The following NT5DC3 variants were observed in gnomAD, a reference collection of about 807,000 sequenced individuals.
NT5DC3 encodes 5'-nucleotidase domain containing 3, also known as 5'-nucleotidase domain-containing protein 3.
Under a neutral mutation model 67.8 loss-of-function variants are expected in NT5DC3, and 42 were observed. That is an observed-to-expected ratio of 0.62 (90% CI 0.48 to 0.80). The LOEUF is 0.80. NT5DC3 is among the 30% of genes least tolerant of loss of function. NT5DC3 has a pLI of 0.00. For synonymous variants in NT5DC3, 237 were observed against 255.6 expected (o/e 0.93, Z 0.69); for missense variants, 570 against 696.4 (o/e 0.82, Z 2.04).
At chr12:103,766,113 C>T (rs537296078), downstream of NT5DC3, 258 of 869,070 alleles carry the variant, frequency 3.0e-4, no homozygotes, top group Non-Finnish European at 3.5e-4. Context: ...TGGCCCTACC[C>T]CCAGCCCATC....
intron 1 of NT5DC3, among the ~76,000 whole-genome samples, chr12:103,831,409 A>G (rs1179276046): frequency 6.6e-6 from 1 of 152,198 alleles, no homozygotes; most frequent in African/African-American, 2.4e-5. Context: ...CTTCAAAGCA[A>G]TGTAAAAGAA....
chr12:103,806,764 T>A, intron 3 of NT5DC3, 91 bp downstream of exon 3: 1 of 806,244 alleles, frequency 1.2e-6, no homozygotes, highest in Non-Finnish European at 2.1e-6. Context: ...AATTTAAAAC[T>A]AATTTGCCCG....
In NT5DC3 at chr12:103,775,155, G is replaced by A. The variant is rs979020659; in HGVS notation, c.*2674C>T. On this transcript the variant is annotated 3_prime_UTR_variant, in exon 14 of 14. Coordinates refer to ENST00000392876, the MANE Select transcript of NT5DC3 (RefSeq NM_001031701.3). Reference sequence around the variant, plus strand: ...CGGCCCCGTTACCGCCACGACATGGGTCTACAGTCTGCAAGGTACACAGTC... The same window carrying A: ...CGGCCCCGTTACCGCCACGACATGGATCTACAGTCTGCAAGGTACACAGTC... The A allele has an allele frequency of 5.9e-5, 9 of 152,212 alleles. No homozygotes were observed. Among genetic ancestry groups the A allele is most frequent in the Non-Finnish European group, 8.8e-5 (6 of 68,046 alleles). The allele number at this position is 152,212 out of a possible 1,614,324, so 9.4% of individuals were successfully genotyped here.
chr12:103,791,950 G>A (rs1886084619), intron 9 of NT5DC3, among the ~76,000 whole-genome samples: 1 of 152,140 alleles, frequency 6.6e-6, no homozygotes, highest in South Asian at 2.1e-4. Context: ...CATGAAACCG[G>A]CCCCTGGTGC....
chr12:103,780,487 G>A, intron 12 of NT5DC3, 123 bp from the exon 13 acceptor site: 1 of 787,150 alleles, frequency 1.3e-6, no homozygotes, highest in Non-Finnish European at 2.2e-6. Flanking sequence ...TCAGAGGCTG[G>A]CACCTGAATG....
At chr12:103,768,501 GGGGAGGGAAAGATGGAGAGATGGGAGA>G (rs2139275880), downstream of NT5DC3, among the ~76,000 whole-genome samples, 1 of 84,310 alleles carries the variant, frequency 1.2e-5, no homozygotes, top group Non-Finnish European at 2.3e-5. Flanking sequence ...GGGTAGGGAG[GGGGAGGGAAAGATGGAGAGATGGGAGA>G]GAGAGGGAGA....
chr12:103,753,638 TAGAA>T, the NT5DC3 span, among the ~76,000 whole-genome samples: 1 of 152,188 alleles, frequency 6.6e-6, no homozygotes, highest in Non-Finnish European at 1.5e-5. Context: ...AACTGAGGCT[TAGAA>T]AGTTTAAGTA....
chr12:103,817,787 T>G (rs1887325744), intron 1 of NT5DC3, among the ~76,000 whole-genome samples: 1 of 149,580 alleles, frequency 6.7e-6, no homozygotes, highest in African/African-American at 2.4e-5. Context: ...CCCTTTCAGG[T>G]GCATTTTTTC....
intron 12 of NT5DC3, among the ~76,000 whole-genome samples, chr12:103,783,253 C>A (rs1010132887): frequency 3.9e-4 from 60 of 152,268 alleles, no homozygotes; most frequent in African/African-American, 1.3e-3. Flanking sequence ...CAGCTATACA[C>A]CTCTATATCC....
At chr12:103,791,100 T>C (rs886297242) in intron 9 of NT5DC3, among the ~76,000 whole-genome samples, 1 of 152,154 alleles carries the variant, frequency 6.6e-6, no homozygotes. Flanking sequence ...CTCATTATTA[T>C]GAATAACACA....
chr12:103,788,785 T>C (rs890052071), intron 10 of NT5DC3, 53 bp downstream of exon 10: 4 of 1,165,818 alleles, frequency 3.4e-6, no homozygotes, highest in Middle Eastern at 1.9e-4. Context: ...CTATTAGCAT[T>C]ATTACCGACC....
intron 1 of NT5DC3, among the ~76,000 whole-genome samples, chr12:103,815,988 A>C (rs1887233845): frequency 6.6e-6 from 1 of 152,180 alleles, no homozygotes; most frequent in South Asian, 2.1e-4. Flanking sequence ...ATTTGCTGCC[A>C]ACATTCTTCT....
At chr12:103,749,034 G>T in the NT5DC3 span, 15 of 1,613,990 alleles carry the variant, frequency 9.3e-6, no homozygotes, top group Non-Finnish European at 1.2e-5. Flanking sequence ...GGGCACGAAG[G>T]TCTCCTGCAG....
chr12:103,808,944 A>G (rs1886916223), intron 2 of NT5DC3, among the ~76,000 whole-genome samples: 1 of 152,210 alleles, frequency 6.6e-6, no homozygotes. Flanking sequence ...CCCTCACTAC[A>G]TCAGCATGAA....
chr12:103,806,376 G>A lies in NT5DC3; in HGVS notation c.470C>T (p.Ala157Val), dbSNP rs564815507. 1.3e-6 allele frequency: 2 copies of A among 1,597,296 alleles called. No homozygotes were observed. The highest frequency in any genetic ancestry group is 1.1e-5 in the South Asian group (1 of 90,726). ...IRGLHYDVQR[A>V]VLMKIDAFHY... ...AAAAGCATCGATCTTCATTAATACT[G>A]CCTTTAAAAACATAAACATATGCAC... is the stretch of plus-strand genomic sequence containing the variant. The change falls in exon 4 of 14, where the codon GCA (alanine) becomes GTA (valine). Residue 157 changes from alanine (A) to valine (V), a missense_variant and splice_region_variant. This residue lies in a region of NT5DC3 where 466 missense variants were observed against 608.0 expected (regional missense o/e 0.77). Transcript: ENST00000392876.
At chr12:103,768,793 T>A (rs532696573), downstream of NT5DC3, 1 of 151,636 alleles carries the variant, frequency 6.6e-6, no homozygotes, top group Non-Finnish European at 1.5e-5. Context: ...GTATCAACTG[T>A]ATGCAGGCCT....
chr12:103,818,219 G>C (rs917079929), intron 1 of NT5DC3, among the ~76,000 whole-genome samples: 4 of 152,098 alleles, frequency 2.6e-5, no homozygotes, highest in African/African-American at 7.2e-5. Context: ...GAATTTCCAG[G>C]TCATTATGAA....
chr12:103,746,728 G>A, the NT5DC3 span: 1 of 1,609,586 alleles, frequency 6.2e-7, no homozygotes. Context: ...GTGCACAGGT[G>A]AAATAGCAGC....
At chr12:103,782,068 A>C (rs1885576696) in intron 12 of NT5DC3, among the ~76,000 whole-genome samples, 1 of 152,232 alleles carries the variant, frequency 6.6e-6, no homozygotes, top group African/African-American at 2.4e-5. Flanking sequence ...AAAACTCAAA[A>C]GAAGAATAAT....
Sources: allele counts gnomAD v4.1 joint callset (sites outside exome capture counted in the v4.1 genomes callset), GRCh38; gene constraint gnomAD v4.1.1; regional missense constraint gnomAD v4.1.1; transcripts MANE v1.5; gene names NCBI Gene and HGNC (gene_info 2026-07-23, HGNC 2026-07-21).